Variants in SLC2A5 observed in about 807,000 individuals in gnomAD.
SLC2A5 encodes the protein solute carrier family 2 member 5.
Under a neutral mutation model 50.3 loss-of-function variants are expected in SLC2A5, and 56 were observed. The ratio of observed to expected loss-of-function variants is 1.11; its 90% confidence interval spans 0.90 to 1.39. The LOEUF (loss-of-function observed/expected upper bound fraction) is 1.39. Among genes scored for constraint, SLC2A5 ranks in the 40% most tolerant of loss-of-function variants. The pLI is 0.00. For synonymous variants in SLC2A5, 269 were observed against 281.9 expected (o/e 0.95, Z 0.46); for missense variants, 566 against 650.1 (o/e 0.87, Z 1.41).
upstream of SLC2A5, among the ~76,000 whole-genome samples, chr1:9,091,831 C>T (rs1317377997): frequency 6.6e-6 from 1 of 152,120 alleles, no homozygotes; most frequent in Admixed American, 6.6e-5. Context: ...CACTTTCTCC[C>T]ACCTAGAAAA....
At chr1:9,072,076 TC>T (rs1642224843), upstream of SLC2A5, 1 of 150,708 alleles carries the variant, frequency 6.6e-6, no homozygotes, top group Non-Finnish European at 1.5e-5. Flanking sequence ...TCTGCCAGAG[TC>T]CCCCTCAGCC....
chr1:9,069,729 A>T (rs1202027433), upstream of SLC2A5: 3 of 632,962 alleles, frequency 4.7e-6, no homozygotes, highest in African/African-American at 5.5e-5. Context: ...CTTTTAAATG[A>T]AACGTCTGGG....
At chr1:9,087,176 G>A (rs2124488006) in intron 1 of SLC2A5, among the ~76,000 whole-genome samples, 1 of 151,078 alleles carries the variant, frequency 6.6e-6, no homozygotes, top group African/African-American at 2.4e-5. Flanking sequence ...GTCCTTAACT[G>A]TCAAGCCACA....
At chr1:9,061,003 T>A in intron 1 of SLC2A5, among the ~76,000 whole-genome samples, 1 of 151,714 alleles carries the variant, frequency 6.6e-6, no homozygotes, top group East Asian at 1.9e-4. Context: ...AAAATTCTCT[T>A]CTGGGCACGA....
At chr1:9,057,864 A>G (rs1406387241) in intron 2 of SLC2A5, among the ~76,000 whole-genome samples, 4 of 151,976 alleles carry the variant, frequency 2.6e-5, no homozygotes, top group African/African-American at 9.7e-5. Flanking sequence ...CAATTTTCCA[A>G]TCAGCTGGGA....
chr1:9,040,535 T>C lies in SLC2A5; in HGVS notation c.572-346A>G, dbSNP rs1641273533. 4.0e-6 allele frequency: 1 copy of C among 248,814 alleles called. No individual in the cohort carries two copies. The highest frequency in any genetic ancestry group is 2.3e-5 in the African/African-American group (1 of 44,044). The allele number at this position is 248,814 out of a possible 1,614,324, so 15.4% of individuals were successfully genotyped here. ...ACCCAACTGCCCACTCCCAGCTCTA[T>C]GCCCAGAGAAGCCAGGCCACCAGGA... On this transcript the variant is annotated intron_variant, in intron 5 of 11. Transcript: ENST00000377424. The surrounding 1 kb of genome is among the most constrained non-coding windows in gnomAD (Gnocchi z 4.3).
At chr1:9,066,870 C>A (rs962316839) in intron 1 of SLC2A5, among the ~76,000 whole-genome samples, 1 of 151,464 alleles carries the variant, frequency 6.6e-6, no homozygotes, top group Non-Finnish European at 1.5e-5. Flanking sequence ...CCCAGCTACT[C>A]GGGAGGCTGA....
chr1:9,055,916 A>T (rs1461905441), intron 3 of SLC2A5, among the ~76,000 whole-genome samples: 1 of 152,186 alleles, frequency 6.6e-6, no homozygotes, highest in East Asian at 1.9e-4. Flanking sequence ...ACTCTACCTC[A>T]AAAAATAAAG....
chr1:9,087,236 GCT>G (rs1642412206), intron 1 of SLC2A5, among the ~76,000 whole-genome samples: 1 of 142,242 alleles, frequency 7.0e-6, no homozygotes, highest in Non-Finnish European at 1.5e-5. Flanking sequence ...ACAGAGCCTT[GCT>G]CTGTCGCCCA....
chr1:9,037,265 G>A lies in SLC2A5; in HGVS notation c.*321C>T, dbSNP rs551164847. On this transcript the variant is annotated 3_prime_UTR_variant, in exon 12 of 12. Transcript: ENST00000377424. ...GTAACTGTTGTTGTTATGTTACCAG[G>A]AGCCACACAAAGGTTGACCCATCAA... The A allele has an allele frequency of 3.3e-5, 11 of 332,806 alleles. No homozygotes were observed. The highest frequency in any genetic ancestry group is 5.1e-5 in the Non-Finnish European group (9 of 175,220). 20.6% of individuals were successfully genotyped at this position (332,806 alleles called of 1,614,324 possible).
intron 11 of SLC2A5, 26 bp from the exon 12 acceptor site, chr1:9,037,815 G>T (rs751118877): frequency 1.9e-6 from 3 of 1,613,916 alleles, no homozygotes; most frequent in East Asian, 2.2e-5. Context: ...CAGGTGACAC[G>T]TGTGGGACGT....
At chr1:9,083,973 T>C (rs1208886659) in intron 2 of SLC2A5, among the ~76,000 whole-genome samples, 5 of 151,018 alleles carry the variant, frequency 3.3e-5, no homozygotes, top group African/African-American at 1.2e-4. Context: ...TGAAACCCCG[T>C]CTCTACTAAA....
upstream of SLC2A5, among the ~76,000 whole-genome samples, chr1:9,093,223 A>T (rs1270062024): frequency 6.6e-6 from 1 of 152,060 alleles, no homozygotes; most frequent in African/African-American, 2.4e-5. Flanking sequence ...CCTCACACCT[A>T]AATGGAAGGG....
At chr1:9,086,038 T>C (rs747659726) in intron 1 of SLC2A5, among the ~76,000 whole-genome samples, 18 of 152,294 alleles carry the variant, frequency 1.2e-4, no homozygotes, top group Non-Finnish European at 2.6e-4. Context: ...CTGCTGAGGA[T>C]GGGCCTGGGG....
At position 9,037,719 on chromosome 1, in the gene SLC2A5, A is replaced by T; in HGVS notation, c.1373T>A (p.Leu458Ter). 1 of 1,614,184 alleles carries T rather than the reference A, an allele frequency of 6.2e-7. No homozygotes were observed. The highest frequency in any genetic ancestry group is 8.5e-7 in the Non-Finnish European group (1 of 1,180,030). ...ICLLTTIYIF[L>*]IVPETKAKTF... ...CTTGGCCTTGGTCTCCGGGACAATC[A>T]AGAAGATGTAGATGGTGGTGAGGAG... The change falls in exon 12 of 12, where the codon TTG (leucine) becomes TAG (stop). Residue 458 changes from leucine to a stop codon, truncating the protein, a stop_gained. Coordinates refer to ENST00000377424, the MANE Select transcript of SLC2A5 (RefSeq NM_003039.3). LOFTEE classifies it low-confidence loss of function (END_TRUNC).
At chr1:9,064,433 G>T (rs17033202) in intron 1 of SLC2A5, among the ~76,000 whole-genome samples, 11,177 of 152,110 alleles carry the variant, frequency 0.073, 583 homozygotes, top group Middle Eastern at 0.16. Flanking sequence ...TTGCCAAGAC[G>T]CTGAGCTGTG....
intron 2 of SLC2A5, 148 bp from the exon 3 acceptor site, chr1:9,057,756 T>A: frequency 2.9e-6 from 2 of 693,180 alleles, no homozygotes; most frequent in Non-Finnish European, 2.4e-6. Flanking sequence ...GGACAGAGCT[T>A]CAGGAGCAGT....
upstream of SLC2A5, chr1:9,069,654 G>T: frequency 9.4e-7 from 1 of 1,062,678 alleles, no homozygotes. Flanking sequence ...ACAGCCAATA[G>T]CATTTTTATA....
At chr1:9,090,422 G>A (rs1360956491), upstream of SLC2A5, among the ~76,000 whole-genome samples, 1 of 152,092 alleles carries the variant, frequency 6.6e-6, no homozygotes, top group Non-Finnish European at 1.5e-5. Flanking sequence ...GGGGACTCAA[G>A]CCCATCATCT....
Sources: allele counts gnomAD v4.1 joint callset (sites outside exome capture counted in the v4.1 genomes callset), GRCh38; gene constraint gnomAD v4.1.1; non-coding constraint Gnocchi (gnomAD v3.1); transcripts MANE v1.5; gene names NCBI Gene and HGNC (gene_info 2026-07-23, HGNC 2026-07-21).